The following ROR2 variants were observed in gnomAD, a reference collection of about 807,000 sequenced individuals.
ROR2 encodes ROR family WNT receptor 2.
In ROR2, 33 loss-of-function variants were observed where a neutral mutation model predicts 74.9. The ratio of observed to expected loss-of-function variants is 0.44; its 90% CI spans 0.33 to 0.59. ROR2 has a LOEUF of 0.59. Ranked by LOEUF, ROR2 falls within the 20% of genes least tolerant of loss-of-function variation. The pLI, the probability that ROR2 is intolerant of heterozygous loss-of-function variation, is 0.02. For synonymous variants in ROR2, 586 were observed against 558.7 expected, an observed-to-expected ratio of 1.05 and a Z score of -0.69; for missense variants, 1,216 against 1,313.8, an observed-to-expected ratio of 0.93 and a Z score of 1.15.
chr9:91,848,182 T>G (rs982591246), intron 1 of ROR2, among the ~76,000 whole-genome samples: 3 of 152,160 alleles, frequency 2.0e-5, no homozygotes, highest in Non-Finnish European at 4.4e-5. Flanking sequence ...TGCATGCCAG[T>G]CCTAATCAAG....
chr9:91,830,839 TG>T (rs1828446884), intron 1 of ROR2, among the ~76,000 whole-genome samples: 1 of 151,706 alleles, frequency 6.6e-6, no homozygotes, highest in South Asian at 2.1e-4. Context: ...TGTGTGTGTG[TG>T]TGTGTGTGTG....
chr9:91,851,985 A>G (rs1228012300), intron 1 of ROR2, among the ~76,000 whole-genome samples: 1 of 151,626 alleles, frequency 6.6e-6, no homozygotes, highest in Admixed American at 6.6e-5. Flanking sequence ...AAAAAAAAAA[A>G]AAAAGACAAT....
chr9:91,911,816 C>T (rs1488209012), intron 1 of ROR2, among the ~76,000 whole-genome samples: 1 of 151,778 alleles, frequency 6.6e-6, no homozygotes, highest in East Asian at 1.9e-4. Flanking sequence ...AGCTCCTTAA[C>T]CCAGTGATCA....
intron 1 of ROR2, among the ~76,000 whole-genome samples, chr9:91,915,648 T>TG (rs1252048111): frequency 3.4e-5 from 4 of 117,580 alleles, no homozygotes; most frequent in African/African-American, 6.5e-5. Context: ...TTGGGGGAGG[T>TG]GGGGGGCGGG....
At chr9:91,949,126 G>A (rs1183572594) in intron 1 of ROR2, among the ~76,000 whole-genome samples, 3 of 149,722 alleles carry the variant, frequency 2.0e-5, no homozygotes, top group Non-Finnish European at 4.5e-5. Context: ...GGGTCCCCCC[G>A]GCGCGGCCAG....
At chr9:91,825,426 A>T (rs1828257145) in intron 1 of ROR2, among the ~76,000 whole-genome samples, 1 of 152,154 alleles carries the variant, frequency 6.6e-6, no homozygotes, top group African/African-American at 2.4e-5. Context: ...CTGTGGTGAG[A>T]ACATAAAACA....
intron 2 of ROR2, among the ~76,000 whole-genome samples, chr9:91,770,084 T>C (rs1460175303): frequency 1.3e-5 from 2 of 152,074 alleles, no homozygotes; most frequent in East Asian, 1.9e-4. Context: ...TATTGTTCTA[T>C]GTGTCTAGAC....
chr9:91,868,928 G>C (rs909630112), intron 1 of ROR2, among the ~76,000 whole-genome samples: 1 of 152,202 alleles, frequency 6.6e-6, no homozygotes, highest in African/African-American at 2.4e-5. Context: ...TGGGAATGCA[G>C]TCTGGAAAAC....
rs544801780 is a variant in ROR2 at position 91,910,182 on chromosome 9, A to G, written c.97+39685T>C. Among the ~76,000 whole-genome samples the G allele has an allele frequency of 3.9e-5, 6 of 152,158 alleles. No individual in the cohort carries two copies. In the East Asian group the frequency reaches 1.2e-3, roughly 29 times the overall value. Reference sequence around the variant, plus strand: ...GCCAATCTTTACTTTTAACCTGTCAATTTAGCAGAAAAGAAACTTAAATGT... The same window carrying G: ...GCCAATCTTTACTTTTAACCTGTCAGTTTAGCAGAAAAGAAACTTAAATGT... On this transcript the variant is annotated intron_variant, in intron 1 of 8. Transcript: ENST00000375708.
At chr9:91,909,848 T>TTTTTG (rs1564032288) in intron 1 of ROR2, among the ~76,000 whole-genome samples, 1 of 30,068 alleles carries the variant, frequency 3.3e-5, no homozygotes, top group Non-Finnish European at 9.5e-5. Flanking sequence ...GTTTGTTTTG[T>TTTTTG]TTTTTTTTTT....
intron 1 of ROR2, among the ~76,000 whole-genome samples, chr9:91,888,826 A>G (rs1044558250): frequency 3.3e-5 from 5 of 152,024 alleles, no homozygotes; most frequent in African/African-American, 4.8e-5. Flanking sequence ...ACGGGAAGCA[A>G]TGTCCTTTCT....
At chr9:91,909,822 TC>T (rs1305257141) in intron 1 of ROR2, among the ~76,000 whole-genome samples, 28 of 128,824 alleles carry the variant, frequency 2.2e-4, no homozygotes, top group African/African-American at 7.2e-4. Flanking sequence ...TAATCTTTAT[TC>T]TTTTTTTTTT....
intron 1 of ROR2, among the ~76,000 whole-genome samples, chr9:91,805,713 C>CCACA (rs1469993675): frequency 1.3e-5 from 2 of 151,900 alleles, no homozygotes; most frequent in Non-Finnish European, 2.9e-5. Flanking sequence ...GTACACACAC[C>CCACA]CACACACACA....
intron 1 of ROR2, among the ~76,000 whole-genome samples, chr9:91,832,117 A>G (rs1390046762): frequency 2.0e-5 from 3 of 151,990 alleles, no homozygotes; most frequent in Admixed American, 6.6e-5. Context: ...CCCCTAATGA[A>G]TCTCTCATAG....
intron 1 of ROR2, among the ~76,000 whole-genome samples, chr9:91,776,793 G>T (rs1262427226): frequency 6.6e-6 from 1 of 152,104 alleles, no homozygotes; most frequent in Non-Finnish European, 1.5e-5. Context: ...GAGACCACAT[G>T]AAATCAAACA....
At chr9:91,822,267 A>G (rs1357296076) in intron 1 of ROR2, among the ~76,000 whole-genome samples, 1 of 152,226 alleles carries the variant, frequency 6.6e-6, no homozygotes, top group African/African-American at 2.4e-5. Flanking sequence ...ACCAGCATCC[A>G]TGCATTGGTG....
chr9:91,796,679 G>A (rs1827183804), intron 1 of ROR2, among the ~76,000 whole-genome samples: 1 of 152,052 alleles, frequency 6.6e-6, no homozygotes, highest in Admixed American at 6.5e-5. Flanking sequence ...TGACAGTCTG[G>A]GCTAGTAGAT....
intron 1 of ROR2, among the ~76,000 whole-genome samples, chr9:91,890,254 AG>A (rs1830392219): frequency 2.0e-5 from 3 of 152,344 alleles, no homozygotes; most frequent in East Asian, 3.9e-4. Context: ...GTACGGACCC[AG>A]GCACAGGGGC....
intron 1 of ROR2, among the ~76,000 whole-genome samples, chr9:91,876,049 C>CA (rs112844159): frequency 0.046 from 5,980 of 129,934 alleles, 148 homozygotes; most frequent in East Asian, 0.1. Context: ...CTGCAGGGGG[C>CA]AAAAAAAAAA....
Sources: gnomAD v4.1 joint callset for allele counts (sites outside exome capture counted in the v4.1 genomes callset) on GRCh38, gnomAD v4.1.1 for gene constraint, MANE v1.5 for transcripts, NCBI Gene and HGNC (gene_info 2026-07-23, HGNC 2026-07-21) for gene names.